The following KHDRBS3 variants were observed in gnomAD, a reference collection of about 807,000 sequenced individuals.
KHDRBS3 encodes the protein KH domain-containing, RNA-binding, signal transduction-associated protein 3.
A neutral mutation model predicts 45.6 loss-of-function variants in KHDRBS3; 23 were observed. The observed-to-expected ratio is 0.50, with a 90% CI of 0.36 to 0.72. KHDRBS3 has a LOEUF of 0.72. KHDRBS3 is among the 30% of genes least tolerant of loss of function. KHDRBS3 has a pLI of 0.00. For synonymous variants in KHDRBS3, 162 were observed against 156.5 expected, an observed-to-expected ratio of 1.04 and a Z score of -0.26; for missense variants, 352 against 424.8, an observed-to-expected ratio of 0.83 and a Z score of 1.51.
At position 135,548,840 on chromosome 8, in the gene KHDRBS3, T is replaced by C; in HGVS notation, c.411T>C (p.Pro137=). 1 of 1,605,376 alleles carries C rather than the reference T, an allele frequency of 6.2e-7. No individual in the cohort carries two copies. Among genetic ancestry groups the C allele is most frequent in the Non-Finnish European group, 8.5e-7 (1 of 1,175,570 alleles). ...LHVLIEVFAP[P]AEAYARMGHA... is the part of the protein sequence containing the mutation. Reference sequence around the variant, plus strand: ...TTCTCATTGAAGTGTTTGCCCCACCTGCAGAAGCTTATGCCAGGATGGGAC... The same window carrying C: ...TTCTCATTGAAGTGTTTGCCCCACCCGCAGAAGCTTATGCCAGGATGGGAC... Residue 137 remains proline (P), a synonymous_variant, in exon 4 of 9, where the codon CCT becomes CCC. Coordinates refer to ENST00000355849, the MANE Select transcript of KHDRBS3 (RefSeq NM_006558.3).
At chr8:135,626,087 C>T in intron 7 of KHDRBS3, 2 of 517,128 alleles carry the variant, frequency 3.9e-6, no homozygotes, top group East Asian at 2.8e-5. Context: ...TGTATGACAA[C>T]AAAAATAAGG....
chr8:135,499,253 G>T (rs1221913315), intron 1 of KHDRBS3, among the ~76,000 whole-genome samples: 1 of 152,182 alleles, frequency 6.6e-6, no homozygotes, highest in Non-Finnish European at 1.5e-5. Context: ...GGCATTGTTT[G>T]TATTTGTTTT....
At chr8:135,606,513 C>T (rs1310202134) in intron 6 of KHDRBS3, among the ~76,000 whole-genome samples, 1 of 152,126 alleles carries the variant, frequency 6.6e-6, no homozygotes, top group African/African-American at 2.4e-5. Context: ...TTTGTCAGAA[C>T]TCCAGCCTTA....
chr8:135,469,200 C>G (rs1821851341), intron 1 of KHDRBS3, among the ~76,000 whole-genome samples: 1 of 152,168 alleles, frequency 6.6e-6, no homozygotes, highest in Non-Finnish European at 1.5e-5. Context: ...ATTTATTGCT[C>G]TAATTCATTC....
At chr8:135,458,294 T>C (rs1563691126) in intron 1 of KHDRBS3, 1 of 710,770 alleles carries the variant, frequency 1.4e-6, no homozygotes, top group Non-Finnish European at 1.8e-6. Flanking sequence ...AATTATGTCA[T>C]GGAAGGGGAG....
intron 7 of KHDRBS3, among the ~76,000 whole-genome samples, chr8:135,638,213 T>C (rs1830898755): frequency 6.6e-6 from 1 of 152,202 alleles, no homozygotes; most frequent in Admixed American, 6.5e-5. Flanking sequence ...TAGTCTGCTC[T>C]GCCTCCAACT....
At chr8:135,583,464 A>G (rs1330944547) in intron 6 of KHDRBS3, among the ~76,000 whole-genome samples, 2 of 152,206 alleles carry the variant, frequency 1.3e-5, no homozygotes, top group Admixed American at 6.5e-5. Context: ...AAAGGAGAGT[A>G]AATCTTAAAT....
intron 8 of KHDRBS3, 40 bp downstream of exon 8, chr8:135,645,157 G>A (rs1054929369): frequency 3.1e-6 from 5 of 1,599,628 alleles, no homozygotes; most frequent in Middle Eastern, 3.3e-4. Context: ...AGGGAGGAGA[G>A]ATGGCCGTAG....
intron 5 of KHDRBS3, among the ~76,000 whole-genome samples, chr8:135,560,158 G>GTA (rs1279506824): frequency 3.9e-5 from 6 of 152,006 alleles, no homozygotes; most frequent in Admixed American, 6.6e-5. Context: ...AGGTATCTCT[G>GTA]TATATATATA....
At chr8:135,621,756 A>G (rs1252711301) in intron 7 of KHDRBS3, among the ~76,000 whole-genome samples, 1 of 151,618 alleles carries the variant, frequency 6.6e-6, no homozygotes, top group Non-Finnish European at 1.5e-5. Context: ...CTTGGTGTGC[A>G]TTGGTAGTGA....
chr8:135,532,194 A>G (rs1298588488), intron 2 of KHDRBS3, among the ~76,000 whole-genome samples: 3 of 152,186 alleles, frequency 2.0e-5, no homozygotes, highest in Non-Finnish European at 4.4e-5. Flanking sequence ...ATATAATTCA[A>G]ATGAGATCAG....
At chr8:135,625,225 G>A in intron 7 of KHDRBS3, 1 of 1,399,022 alleles carries the variant, frequency 7.1e-7, no homozygotes, top group Non-Finnish European at 1.0e-6. Flanking sequence ...TCCTTCATCA[G>A]ATGTCACAAA....
rs538581394 is a variant in KHDRBS3 at position 135,487,105 on chromosome 8, CTAAGTA to C, written c.88+29154_88+29159del. ...CTTTTAAATGTCATATATTCATTGT[CTAAGTA>C]TATTTGTTATTTGACACCATTTGTA... On this transcript the variant is annotated intron_variant, in intron 1 of 8. Coordinates refer to ENST00000355849, the MANE Select transcript of KHDRBS3 (RefSeq NM_006558.3). Among the ~76,000 whole-genome samples, 14 of 152,088 alleles carry C rather than the reference CTAAGTA, an allele frequency of 9.2e-5. No individual in the cohort carries two copies. In the East Asian group the frequency reaches 2.5e-3, roughly 27 times the overall value.
intron 1 of KHDRBS3, among the ~76,000 whole-genome samples, chr8:135,505,483 C>T (rs766925020): frequency 1.3e-5 from 2 of 152,114 alleles, no homozygotes; most frequent in Non-Finnish European, 2.9e-5. Context: ...TTCCACTATA[C>T]TTCAGGAATT....
chr8:135,536,208 T>G (rs2130738129), intron 2 of KHDRBS3, among the ~76,000 whole-genome samples: 1 of 150,282 alleles, frequency 6.7e-6, no homozygotes, highest in South Asian at 2.1e-4. Context: ...GCCCATAGAC[T>G]TCAGTGTTAA....
chr8:135,494,182 T>A (rs10086257), intron 1 of KHDRBS3, among the ~76,000 whole-genome samples: 14,968 of 151,912 alleles, frequency 0.099, 1,360 homozygotes, highest in African/African-American at 0.24. Context: ...TTCCAAAGTA[T>A]CAACTTTTGG....
intron 4 of KHDRBS3, among the ~76,000 whole-genome samples, chr8:135,551,631 A>G (rs911887649): frequency 6.6e-6 from 1 of 152,082 alleles, no homozygotes; most frequent in Non-Finnish European, 1.5e-5. Flanking sequence ...AGTCTTCTTT[A>G]TGTGTTGCTA....
chr8:135,508,574 G>A (rs1289131191), intron 1 of KHDRBS3, among the ~76,000 whole-genome samples: 2 of 152,152 alleles, frequency 1.3e-5, no homozygotes, highest in Non-Finnish European at 2.9e-5. Flanking sequence ...TTAAAAGTGA[G>A]AAATGTGATT....
intron 1 of KHDRBS3, among the ~76,000 whole-genome samples, chr8:135,492,167 C>T (rs1404418935): frequency 6.6e-6 from 1 of 151,814 alleles, no homozygotes; most frequent in East Asian, 1.9e-4. Context: ...TTCAGGGATC[C>T]CTATGATCCA....
Sources: allele counts gnomAD v4.1 joint callset (sites outside exome capture counted in the v4.1 genomes callset), GRCh38; gene constraint gnomAD v4.1.1; transcripts MANE v1.5; gene names NCBI Gene and HGNC (gene_info 2026-07-23, HGNC 2026-07-21).